NRG1: variants seen among roughly 807,000 people sequenced by gnomAD.
The protein encoded by NRG1 is pro-neuregulin-1, membrane-bound isoform.
Under a neutral mutation model 63.8 loss-of-function variants are expected in NRG1, and 18 were observed. That is an observed-to-expected ratio of 0.28 (90% CI 0.19 to 0.42). NRG1 has a LOEUF of 0.42. Among genes scored for constraint, NRG1 ranks in the 10% least tolerant of loss-of-function variants. The pLI, the probability that NRG1 is intolerant of heterozygous loss-of-function variation, is 1.00. For synonymous variants in NRG1, 302 were observed against 301.3 expected (o/e 1.00, Z -0.02); for missense variants, 762 against 814.7 (o/e 0.94, Z 0.79).
rs200925373 is a variant in NRG1 at position 31,739,752 on chromosome 8, G to A, written c.37+100321G>A. Among the ~76,000 whole-genome samples the A allele has an allele frequency of 8.5e-5, 13 of 152,184 alleles. No homozygotes were observed. The East Asian group carries it at 2.5e-3, about 29-fold the overall frequency. ...TCTTCTTTTGATGCTCGTGTTGTCA[G>A]TTGCACGAGAGTGTTCTTCAATTTG... On this transcript the variant is annotated intron_variant, in intron 1 of 10. Coordinates refer to the NRG1 transcript ENST00000519301.
intron 6 of NRG1, among the ~76,000 whole-genome samples, chr8:32,735,622 T>G (rs1824829111): frequency 6.6e-6 from 1 of 152,130 alleles, no homozygotes; most frequent in Non-Finnish European, 1.5e-5. Context: ...CGATATGTCA[T>G]TGTGTCACAA....
intron 1 of NRG1, among the ~76,000 whole-genome samples, chr8:32,095,406 T>A (rs182286127): frequency 6.6e-6 from 1 of 152,256 alleles, no homozygotes; most frequent in African/African-American, 2.4e-5. Flanking sequence ...ATATAAAAAA[T>A]TCATCCATTT....
chr8:32,034,487 C>T (rs893295452), intron 1 of NRG1, among the ~76,000 whole-genome samples: 4 of 152,144 alleles, frequency 2.6e-5, no homozygotes, highest in African/African-American at 9.7e-5. Flanking sequence ...GGAGGAGTCC[C>T]TCTTTCAATT....
chr8:32,019,969 C>T (rs536274615), intron 1 of NRG1, among the ~76,000 whole-genome samples: 3 of 152,130 alleles, frequency 2.0e-5, no homozygotes, highest in Non-Finnish European at 4.4e-5. Context: ...TGTTATTGTA[C>T]ATTATTTCCA....
chr8:31,677,765 T>C (rs1208272435), intron 1 of NRG1, among the ~76,000 whole-genome samples: 2 of 152,212 alleles, frequency 1.3e-5, no homozygotes, highest in Non-Finnish European at 2.9e-5. Context: ...CCACTAGAAC[T>C]CCTGGTTGGA....
intron 1 of NRG1, among the ~76,000 whole-genome samples, chr8:31,884,511 A>G (rs139677491): frequency 6.6e-6 from 1 of 152,242 alleles, no homozygotes; most frequent in African/African-American, 2.4e-5. Flanking sequence ...AAACCTTGAC[A>G]GAACTGCCTT....
intron 1 of NRG1, among the ~76,000 whole-genome samples, chr8:31,915,869 C>T (rs1307943418): frequency 6.6e-6 from 1 of 152,032 alleles, no homozygotes; most frequent in African/African-American, 2.4e-5. Flanking sequence ...GAGTACCCTT[C>T]TCTCTTGTAA....
At chr8:32,712,783 G>T (rs1202504052) in intron 5 of NRG1, among the ~76,000 whole-genome samples, 1 of 152,158 alleles carries the variant, frequency 6.6e-6, no homozygotes, top group Non-Finnish European at 1.5e-5. Context: ...TACTGTGGTA[G>T]TGATGGATTT....
At chr8:32,044,410 A>T (rs1800853132) in intron 1 of NRG1, among the ~76,000 whole-genome samples, 1 of 151,896 alleles carries the variant, frequency 6.6e-6, no homozygotes, top group Non-Finnish European at 1.5e-5. Flanking sequence ...AACAGAAAAT[A>T]TGCCTTGATA....
chr8:31,751,489 A>G (rs1306880808), intron 1 of NRG1, among the ~76,000 whole-genome samples: 2 of 151,980 alleles, frequency 1.3e-5, no homozygotes, highest in African/African-American at 4.8e-5. Flanking sequence ...GGAGAGTACT[A>G]TATAAGCTAA....
intron 1 of NRG1, among the ~76,000 whole-genome samples, chr8:32,144,012 T>G (rs962258847): frequency 6.6e-5 from 10 of 152,320 alleles, no homozygotes; most frequent in African/African-American, 2.4e-4. Context: ...ATAATCTGCC[T>G]TGTAAGGAGC....
intron 1 of NRG1, among the ~76,000 whole-genome samples, chr8:31,792,013 C>T (rs1586444907): frequency 6.6e-6 from 1 of 152,092 alleles, no homozygotes; most frequent in East Asian, 1.9e-4. Context: ...ATACTTCAAG[C>T]CAGCAGCAGC....
At position 32,702,266 on chromosome 8, in the gene NRG1, G is replaced by A. The variant is rs141646883; in HGVS notation, c.503-25683G>A. ...TAGGACATCACTCTCATGTATTTCC[G>A]TGAAAAAGCTGGTGGAAAAATGTGT... On this transcript the variant is annotated intron_variant, in intron 5 of 11. Coordinates refer to ENST00000356819, the Ensembl canonical transcript of NRG1. Among the ~76,000 whole-genome samples, 277 of 152,232 alleles carry A rather than the reference G, an allele frequency of 1.8e-3. 1 individual carries two copies. The highest frequency in any genetic ancestry group is 5.9e-3 in the African/African-American group (244 of 41,546).
At chr8:31,725,866 C>T (rs1312325456) in intron 1 of NRG1, among the ~76,000 whole-genome samples, 3 of 152,110 alleles carry the variant, frequency 2.0e-5, no homozygotes, top group African/African-American at 7.2e-5. Context: ...GAAAATGTCT[C>T]ATCACACAAG....
chr8:32,365,021 T>G (rs1282225403), intron 1 of NRG1, among the ~76,000 whole-genome samples: 1 of 142,210 alleles, frequency 7.0e-6, no homozygotes, highest in Non-Finnish European at 1.5e-5. Flanking sequence ...TGCAGTGGCG[T>G]GATCATGGCC....
rs1012809991 is a variant in NRG1 at position 32,740,917 on chromosome 8, A to G, written c.633-1758A>G. ...GGATGAGCTACCAGAGCTAACTTGG[A>G]TAGGCTCTTTGCTTGATGGTTGCTG... On this transcript the variant is annotated intron_variant, in intron 6 of 11. Transcript: ENST00000356819. Among the ~76,000 whole-genome samples, 5 of 152,184 alleles carry G rather than the reference A, an allele frequency of 3.3e-5. No homozygotes were observed. The East Asian group carries it at 9.6e-4, about 29-fold the overall frequency.
chr8:32,614,480 T>C lies in NRG1; in HGVS notation c.401-34T>C, dbSNP rs753434676. 1.3e-5 allele frequency: 21 copies of C among 1,608,460 alleles called. No homozygotes were observed. The East Asian group carries it at 4.7e-4, about 36-fold the overall frequency. ...GTACCTGCTCCCGGCCTCCTGTTTA[T>C]ATATCATAATGTCCTATCACCTTTT... On this transcript the variant is annotated intron_variant, in intron 3 of 11. Coordinates refer to ENST00000356819, the Ensembl canonical transcript of NRG1.
chr8:31,660,506 A>G (rs945588864), intron 1 of NRG1, among the ~76,000 whole-genome samples: 2 of 152,232 alleles, frequency 1.3e-5, no homozygotes, highest in African/African-American at 4.8e-5. Context: ...AGAATGTTGC[A>G]TATATTATTC....
Position 32,064,758 on chromosome 8 carries a change from A to G in NRG1, c.37+425327A>G, listed in dbSNP as rs79011034. Among the ~76,000 whole-genome samples the G allele has an allele frequency of 7.1e-3, 1,076 of 152,208 alleles. 6 individuals are homozygous for G. The highest frequency in any genetic ancestry group is 0.012 in the Non-Finnish European group (829 of 68,000). On this transcript the variant is annotated intron_variant, in intron 1 of 10. Coordinates refer to the NRG1 transcript ENST00000519301. ...CTATACCTGTCAGCTTCCCTTTACT[A>G]CCTTTGACAGCTCTTAAACCAGCAG...
Sources: allele counts gnomAD v4.1 joint callset (sites outside exome capture counted in the v4.1 genomes callset), GRCh38; gene constraint gnomAD v4.1.1; transcripts MANE v1.5; gene names NCBI Gene and HGNC (gene_info 2026-07-23, HGNC 2026-07-21).